SPOCK3: variants seen among roughly 807,000 people sequenced by gnomAD.
The protein encoded by SPOCK3 is SPARC (osteonectin), cwcv and kazal like domains proteoglycan 3.
SPOCK3 carries 30 observed loss-of-function variants against 56.6 expected under a neutral mutation model. The observed-to-expected ratio is 0.53, with a 90% CI of 0.40 to 0.72. The LOEUF (loss-of-function observed/expected upper bound fraction) is 0.72, where lower values mean the gene tolerates loss of function less well. Among genes scored for constraint, SPOCK3 ranks in the 30% least tolerant of loss-of-function variants. The pLI is 0.00. For synonymous variants in SPOCK3, 196 were observed against 183.3 expected (o/e 1.07, Z -0.56); for missense variants, 527 against 530.0 (o/e 0.99, Z 0.06).
intron 2 of SPOCK3, among the ~76,000 whole-genome samples, chr4:167,107,635 C>T (rs1760279987): frequency 6.6e-6 from 1 of 151,616 alleles, no homozygotes; most frequent in Admixed American, 6.6e-5. Flanking sequence ...ATATAAAGGA[C>T]ATCCAGATTG....
In SPOCK3 at chr4:167,158,135, T is replaced by C. The variant is rs536279178; in HGVS notation, c.189+75850A>G. On this transcript the variant is annotated intron_variant, in intron 2 of 10. Transcript: ENST00000357545. ...CTGAGGAGGATAGAGAAAATAAATA[T>C]ACATGTAAAAGAATACAAATCTAAG... 4.6e-5 allele frequency among the ~76,000 whole-genome samples: 7 copies of C among 152,052 alleles called. No individual in the cohort carries two copies. The South Asian group carries it at 8.3e-4, about 18-fold the overall frequency.
rs564954963 is a variant in SPOCK3 at position 167,125,209 on chromosome 4, T to G, written c.190-62672A>C. Among the ~76,000 whole-genome samples, 9 of 144,522 alleles carry G rather than the reference T, an allele frequency of 6.2e-5. No individual in the cohort carries two copies. In the South Asian group the frequency reaches 1.5e-3, roughly 25 times the overall value. The allele number at this position is 144,522 out of a possible 152,430, so 94.8% of individuals were successfully genotyped here. ...AGAGATTTTTTATTTATTTATTTAT[T>G]TATTTATTTATTTATTTATTTTTAT... is the stretch of plus-strand genomic sequence containing the variant. On this transcript the variant is annotated intron_variant, in intron 2 of 10. Coordinates refer to ENST00000357545, the MANE Select transcript of SPOCK3 (RefSeq NM_001040159.2).
At chr4:167,055,656 C>T (rs546525427) in intron 3 of SPOCK3, among the ~76,000 whole-genome samples, 3 of 152,342 alleles carry the variant, frequency 2.0e-5, no homozygotes, top group African/African-American at 7.2e-5. Flanking sequence ...TTATATCCCG[C>T]ACCTGGCTCA....
At chr4:166,853,759 G>C (rs1187659850) in intron 6 of SPOCK3, among the ~76,000 whole-genome samples, 1 of 152,054 alleles carries the variant, frequency 6.6e-6, no homozygotes, top group Admixed American at 6.6e-5. Context: ...GCACGTGCCT[G>C]TAATCTCAGC....
At chr4:167,163,027 A>G (rs930929090) in intron 2 of SPOCK3, among the ~76,000 whole-genome samples, 2 of 151,850 alleles carry the variant, frequency 1.3e-5, no homozygotes, top group African/African-American at 2.4e-5. Flanking sequence ...TTTATGACAC[A>G]TATTTGATAC....
At chr4:166,970,381 C>CTTA (rs2150072865) in intron 4 of SPOCK3, among the ~76,000 whole-genome samples, 1 of 152,308 alleles carries the variant, frequency 6.6e-6, no homozygotes, top group East Asian at 1.9e-4. Flanking sequence ...TACCACCACT[C>CTTA]TTATGTTTCT....
chr4:167,164,856 T>C (rs1765622078), intron 2 of SPOCK3, among the ~76,000 whole-genome samples: 3 of 152,168 alleles, frequency 2.0e-5, no homozygotes, highest in Admixed American at 2.0e-4. Context: ...GCATTTGAAT[T>C]GGTTTCAAAT....
At chr4:167,230,660 A>C (rs796866764) in intron 2 of SPOCK3, among the ~76,000 whole-genome samples, 23 of 152,136 alleles carry the variant, frequency 1.5e-4, no homozygotes, top group African/African-American at 4.6e-4. Context: ...AAATGTGTTG[A>C]CTTTTCTGTA....
intron 2 of SPOCK3, among the ~76,000 whole-genome samples, chr4:167,160,992 T>G (rs988092942): frequency 4.1e-4 from 62 of 151,894 alleles, no homozygotes; most frequent in African/African-American, 1.4e-3. Context: ...GGGCAAGGAC[T>G]TCATGTCTAA....
rs1248146737 is a variant in SPOCK3, at chr4:166,872,035, C to T, written c.589+17095G>A. Among the ~76,000 whole-genome samples, 7 of 86,072 alleles carry T rather than the reference C, an allele frequency of 8.1e-5. No homozygotes were observed. The South Asian group carries it at 3.2e-3, about 39-fold the overall frequency. 56.5% of individuals were successfully genotyped at this position (86,072 alleles called of 152,430 possible). A position where few individuals can be genotyped will look rare whatever the true frequency, so the allele number is the denominator to read the frequency against. ...TTCTCTATCTAATAAAGGGCACACACACACACAAACACACAAACATACACA... is the reference window on the plus strand; with the variant it reads ...TTCTCTATCTAATAAAGGGCACACATACACACAAACACACAAACATACACA... On this transcript the variant is annotated intron_variant, in intron 6 of 10. Coordinates refer to ENST00000357545, the MANE Select transcript of SPOCK3 (RefSeq NM_001040159.2).
intron 2 of SPOCK3, among the ~76,000 whole-genome samples, chr4:167,077,846 G>C (rs1056412982): frequency 6.6e-6 from 1 of 151,688 alleles, no homozygotes; most frequent in Non-Finnish European, 1.5e-5. Context: ...TATAAGAGAG[G>C]AAAGAAAGGT....
At chr4:166,869,807 G>A (rs7672200) in intron 6 of SPOCK3, among the ~76,000 whole-genome samples, 78,730 of 151,682 alleles carry the variant, frequency 0.52, 20,955 homozygotes, top group South Asian at 0.68. Flanking sequence ...CTGGAGAGTC[G>A]GGCAATTTCA....
intron 7 of SPOCK3, among the ~76,000 whole-genome samples, chr4:166,788,938 T>G (rs1293258533): frequency 6.6e-6 from 1 of 150,732 alleles, no homozygotes; most frequent in South Asian, 2.1e-4. Flanking sequence ...AATATAATAC[T>G]GATGCAAACC....
At chr4:167,052,621 C>A (rs1168140318) in intron 3 of SPOCK3, among the ~76,000 whole-genome samples, 4 of 152,092 alleles carry the variant, frequency 2.6e-5, no homozygotes, top group Non-Finnish European at 5.9e-5. Context: ...ACTGGGAACA[C>A]CAATTTTTCC....
chr4:166,805,087 A>G (rs1272846416), intron 6 of SPOCK3, among the ~76,000 whole-genome samples: 3 of 152,028 alleles, frequency 2.0e-5, no homozygotes, highest in Admixed American at 1.3e-4. Context: ...ATAATATTCT[A>G]TGGATATGTG....
chr4:166,978,094 C>G (rs1230065368), intron 4 of SPOCK3, among the ~76,000 whole-genome samples: 1 of 152,148 alleles, frequency 6.6e-6, no homozygotes, highest in African/African-American at 2.4e-5. Context: ...TTAAGTATAT[C>G]ATAACCATGT....
intron 4 of SPOCK3, among the ~76,000 whole-genome samples, chr4:166,985,020 A>G (rs1460632994): frequency 4.6e-5 from 7 of 152,080 alleles, no homozygotes; most frequent in Non-Finnish European, 7.4e-5. Context: ...AGAAGTGTCT[A>G]CATTTAAATG....
chr4:166,752,037 T>G (rs1736435396), intron 8 of SPOCK3, among the ~76,000 whole-genome samples: 1 of 152,084 alleles, frequency 6.6e-6, no homozygotes. Context: ...CTTTTGTTGT[T>G]GTTGTTGTTG....
intron 6 of SPOCK3, among the ~76,000 whole-genome samples, chr4:166,866,520 T>C (rs1210964380): frequency 5.3e-5 from 8 of 152,038 alleles, no homozygotes; most frequent in Admixed American, 4.6e-4. Context: ...GAAAATGTTT[T>C]CAATCTATCT....
Sources: allele counts gnomAD v4.1 joint callset (sites outside exome capture counted in the v4.1 genomes callset), GRCh38; gene constraint gnomAD v4.1.1; transcripts MANE v1.5; gene names NCBI Gene and HGNC (gene_info 2026-07-23, HGNC 2026-07-21).